MRAS: variants seen among roughly 807,000 people sequenced by gnomAD.
MRAS encodes muscle RAS oncogene homolog.
Under a neutral mutation model 20.9 loss-of-function variants are expected in MRAS, and 4 were observed. The observed-to-expected ratio is 0.19, with a 90% confidence interval of 0.09 to 0.44. MRAS has a LOEUF of 0.44. MRAS is among the 20% of genes least tolerant of loss of function. The pLI is 0.99. For missense variants in MRAS, 154 were observed against 277.5 expected (o/e 0.56, Z 3.16); for synonymous variants, 98 against 102.9 (o/e 0.95, Z 0.29).
chr3:138,355,568 C>T (rs944591624), intron 1 of MRAS, among the ~76,000 whole-genome samples: 2 of 152,160 alleles, frequency 1.3e-5, no homozygotes, highest in African/African-American at 4.8e-5. Context: ...TGCGGGAGAC[C>T]CCAAGTCCTC....
chr3:138,371,600 T>A (rs1170355522), intron 1 of MRAS, among the ~76,000 whole-genome samples: 2 of 152,118 alleles, frequency 1.3e-5, no homozygotes, highest in East Asian at 3.9e-4. Context: ...GCACAGGGAT[T>A]CTTTCTTTTC....
At chr3:138,377,097 G>T (rs927921377) in intron 2 of MRAS, among the ~76,000 whole-genome samples, 1 of 152,186 alleles carries the variant, frequency 6.6e-6, no homozygotes, top group East Asian at 1.9e-4. Context: ...AAACATGGCC[G>T]CAGCATTATA....
At chr3:138,359,012 A>G in intron 1 of MRAS, among the ~76,000 whole-genome samples, 1 of 152,058 alleles carries the variant, frequency 6.6e-6, no homozygotes, top group South Asian at 2.1e-4. Flanking sequence ...CAGCTAGCAG[A>G]GGGGCTTTGA....
chr3:138,351,719 A>G (rs1190985280), intron 1 of MRAS, among the ~76,000 whole-genome samples: 1 of 152,214 alleles, frequency 6.6e-6, no homozygotes, highest in Admixed American at 6.5e-5. Flanking sequence ...CAGGAATGGG[A>G]TATCAGTGCC....
Position 138,402,512 on chromosome 3 carries a change from T to G in MRAS, c.*243T>G. The G allele has an allele frequency of 2.2e-6, 1 of 456,264 alleles. No homozygotes were observed. The highest frequency in any genetic ancestry group is 3.9e-6 in the Non-Finnish European group (1 of 258,250). The allele number at this position is 456,264 out of a possible 1,614,324, so 28.3% of individuals were successfully genotyped here. On this transcript the variant is annotated 3_prime_UTR_variant, in exon 6 of 6. Transcript: ENST00000423968. ...AGCAGAAGCAGCATCCAAGTGCCCC[T>G]GGCCCCCCCATGTGTTGATTCAACC...
At chr3:138,354,616 C>T (rs533739694) in intron 1 of MRAS, among the ~76,000 whole-genome samples, 1 of 152,304 alleles carries the variant, frequency 6.6e-6, no homozygotes, top group South Asian at 2.1e-4. Context: ...AGTTCATCTA[C>T]CCTCACAAAC....
intron 2 of MRAS, among the ~76,000 whole-genome samples, chr3:138,379,355 G>GTT (rs2054851634): frequency 7.9e-6 from 1 of 126,118 alleles, no homozygotes; most frequent in African/African-American, 3.1e-5. Flanking sequence ...ATGACAGAAT[G>GTT]TCTTTTTTTT....
intron 1 of MRAS, among the ~76,000 whole-genome samples, chr3:138,371,616 C>T (rs2054675751): frequency 6.6e-6 from 1 of 152,158 alleles, no homozygotes; most frequent in African/African-American, 2.4e-5. Context: ...TTTTCTTCTA[C>T]ACAGCCGTAG....
chr3:138,358,346 C>T (rs546415898), intron 1 of MRAS, among the ~76,000 whole-genome samples: 3 of 150,214 alleles, frequency 2.0e-5, no homozygotes, highest in African/African-American at 7.3e-5. Flanking sequence ...AAAAAAAAAA[C>T]AAAGATATAA....
intron 1 of MRAS, among the ~76,000 whole-genome samples, chr3:138,362,063 C>A (rs568792601): frequency 6.6e-6 from 1 of 152,276 alleles, no homozygotes; most frequent in African/African-American, 2.4e-5. Flanking sequence ...GGTTGCTGGG[C>A]AGGGGGCACT....
chr3:138,399,203 G>C (rs1265456799), intron 4 of MRAS, among the ~76,000 whole-genome samples: 1 of 152,216 alleles, frequency 6.6e-6, no homozygotes, highest in Non-Finnish European at 1.5e-5. Flanking sequence ...GTCATTCTGA[G>C]CTCAGTCTCC....
At chr3:138,383,429 T>TA (rs1278976144) in intron 2 of MRAS, among the ~76,000 whole-genome samples, 1 of 152,184 alleles carries the variant, frequency 6.6e-6, no homozygotes, top group Non-Finnish European at 1.5e-5. Flanking sequence ...CTCCTGGGTT[T>TA]AAGTGATCCG....
chr3:138,352,752 A>G (rs1018886945), intron 1 of MRAS, among the ~76,000 whole-genome samples: 1 of 152,084 alleles, frequency 6.6e-6, no homozygotes, highest in Non-Finnish European at 1.5e-5. Flanking sequence ...GAGAGCACCA[A>G]TAATGAATTC....
At chr3:138,384,503 TAG>T (rs1396594822) in intron 2 of MRAS, among the ~76,000 whole-genome samples, 6 of 152,098 alleles carry the variant, frequency 3.9e-5, no homozygotes, top group African/African-American at 1.4e-4. Flanking sequence ...ACCAGTAGCA[TAG>T]AGTTACATTT....
chr3:138,374,923 C>T (rs1284797037), intron 2 of MRAS, among the ~76,000 whole-genome samples: 1 of 152,056 alleles, frequency 6.6e-6, no homozygotes, highest in Non-Finnish European at 1.5e-5. Context: ...GCACTGTCAC[C>T]CAGGCTGGAG....
chr3:138,362,104 A>G (rs1457601515), intron 1 of MRAS, among the ~76,000 whole-genome samples: 1 of 152,126 alleles, frequency 6.6e-6, no homozygotes, highest in Non-Finnish European at 1.5e-5. Context: ...CCCAGAGGCC[A>G]GGTGGCCAAG....
chr3:138,397,230 A>G (rs1439598821), intron 2 of MRAS, 94 bp from the exon 3 acceptor site: 30 of 1,458,740 alleles, frequency 2.1e-5, no homozygotes, highest in Non-Finnish European at 2.8e-5. Context: ...GGGCCACGGT[A>G]GGGACAGCAG....
At position 138,398,490 on chromosome 3, in the gene MRAS, C is replaced by A; in HGVS notation, c.369C>A (p.Leu123=). 1.9e-6 allele frequency: 3 copies of A among 1,614,112 alleles called. No individual in the cohort carries two copies. The highest frequency in any genetic ancestry group is 1.7e-6 in the Non-Finnish European group (2 of 1,180,006). The change falls in exon 4 of 6, where the codon CTC becomes CTA. Residue 123 remains leucine (L), a synonymous_variant. Coordinates refer to ENST00000423968, the MANE Select transcript of MRAS (RefSeq NM_001085049.3). The stretch of plus-strand genomic sequence containing the variant: ...CCAGGGAGTCATTCCCGATGATCCT[C>A]GTGGCCAACAAGGTCGATTTGATGC... ...VKDRESFPMI[L]VANKVDLMHL...
chr3:138,369,366 C>A (rs2054627553), intron 1 of MRAS, among the ~76,000 whole-genome samples: 2 of 152,152 alleles, frequency 1.3e-5, no homozygotes, highest in Admixed American at 6.6e-5. Flanking sequence ...CTGGTGCTGA[C>A]CCATGAGGAG....
Sources: gnomAD v4.1 joint callset for allele counts (sites outside exome capture counted in the v4.1 genomes callset) on GRCh38, gnomAD v4.1.1 for gene constraint, MANE v1.5 for transcripts, NCBI Gene and HGNC (gene_info 2026-07-23, HGNC 2026-07-21) for gene names.